Variants in ZNF280D observed in about 807,000 individuals in gnomAD.
ZNF280D encodes zinc finger protein 280D.
Under a neutral mutation model 94.7 loss-of-function variants are expected in ZNF280D, and 39 were observed. That is an observed-to-expected ratio of 0.41 (90% confidence interval 0.32 to 0.54). ZNF280D has a LOEUF of 0.54. Ranked by LOEUF, ZNF280D falls within the 20% of genes least tolerant of loss-of-function variation. The probability of loss-of-function intolerance (pLI) is 0.22; values close to 1 mark genes in which losing one functional copy is unlikely to be tolerated. For missense variants in ZNF280D, 1,090 were observed against 1,149.3 expected (o/e 0.95, Z 0.75); for synonymous variants, 398 against 377.6 (o/e 1.05, Z -0.63).
At chr15:56,637,628 A>G (rs1430099045) in intron 20 of ZNF280D, among the ~76,000 whole-genome samples, 1 of 152,152 alleles carries the variant, frequency 6.6e-6, no homozygotes, top group African/African-American at 2.4e-5. Context: ...ATTGTAATTC[A>G]TATCATCCGT....
intron 13 of ZNF280D, among the ~76,000 whole-genome samples, chr15:56,671,034 C>T (rs1206802285): frequency 3.3e-5 from 5 of 151,822 alleles, no homozygotes; most frequent in African/African-American, 1.2e-4. Flanking sequence ...TGGTTTCTTT[C>T]TTGTAAATCT....
Position 56,632,232 on chromosome 15 carries a change from C to G in ZNF280D, c.2316-110G>C, listed in dbSNP as rs1190311166. 3 of 1,079,928 alleles carry G rather than the reference C, an allele frequency of 2.8e-6. No homozygotes were observed. In the African/African-American group the frequency reaches 4.8e-5, roughly 17 times the overall value. 66.9% of individuals were successfully genotyped at this position (1,079,928 alleles called of 1,614,324 possible). On this transcript the variant is annotated intron_variant, in intron 21 of 21. Transcript: ENST00000267807. The stretch of plus-strand genomic sequence containing the variant: ...TAAAAAGTCAAGGTACATTTGCCCA[C>G]CAAAAAGGAAAACAGTCCAAGTTCC...
chr15:56,725,075 C>CA (rs1365177515), intron 1 of ZNF280D: 4 of 279,042 alleles, frequency 1.4e-5, no homozygotes, highest in African/African-American at 6.6e-5. Flanking sequence ...AGGCCTCTCT[C>CA]AAGCCCCTCC....
At chr15:56,696,183 G>A (rs1469541817) in intron 6 of ZNF280D, among the ~76,000 whole-genome samples, 1 of 152,014 alleles carries the variant, frequency 6.6e-6, no homozygotes, top group African/African-American at 2.4e-5. Context: ...CATGCCCTAT[G>A]ATTTAACAGT....
At position 56,683,255 on chromosome 15, in the gene ZNF280D, T is replaced by C. The variant is rs140171992; in HGVS notation, c.781-778A>G. ...ACAACCAAAAATGGACAACAACTTG[T>C]AGTGAATTAGGGTGAAGGATTTAGT... On this transcript the variant is annotated intron_variant, in intron 9 of 21. Transcript: ENST00000267807. 1.7e-3 allele frequency among the ~76,000 whole-genome samples: 255 copies of C among 152,198 alleles called. 1 individual carries two copies. Among genetic ancestry groups the C allele is most frequent in the African/African-American group, 5.8e-3 (241 of 41,534 alleles).
chr15:56,654,164 AAAGT>A (rs748362541), intron 19 of ZNF280D, 30 bp downstream of exon 19: 35 of 1,592,852 alleles, frequency 2.2e-5, no homozygotes, highest in Non-Finnish European at 3.0e-5. Flanking sequence ...AAAATCCATC[AAAGT>A]AAAATGCACT....
At chr15:56,725,916 T>C (rs1306750864) in intron 1 of ZNF280D, among the ~76,000 whole-genome samples, 2 of 152,168 alleles carry the variant, frequency 1.3e-5, no homozygotes, top group African/African-American at 4.8e-5. Context: ...AAAAATTACT[T>C]TGTCTTCATC....
At position 56,720,979 on chromosome 15, in the gene ZNF280D, G is replaced by GGT. The variant is rs1555428108; in HGVS notation, c.-86+12478_-86+12479insAC. ...GATTTAGCATTTTTTTTGGGGGGGG[G>GGT]GGGGACAGAGTCTCGCTCCATTGAC... On this transcript the variant is annotated intron_variant, in intron 1 of 21. Transcript: ENST00000267807. Among the ~76,000 whole-genome samples, 7 of 123,722 alleles carry GGT rather than the reference G, an allele frequency of 5.7e-5. No individual in the cohort carries two copies. In the Admixed American group the frequency reaches 5.9e-4, roughly 10 times the overall value. 81.2% of individuals were successfully genotyped at this position (123,722 alleles called of 152,430 possible). A position where few individuals can be genotyped will look rare whatever the true frequency, so the allele number is the denominator to read the frequency against.
chr15:56,652,971 T>C (rs1482474397), intron 19 of ZNF280D: 4 of 913,334 alleles, frequency 4.4e-6, no homozygotes, highest in African/African-American at 3.6e-5. Flanking sequence ...CATCATAAAA[T>C]AGACATTAAT....
chr15:56,670,273 G>A (rs149011137), intron 13 of ZNF280D, among the ~76,000 whole-genome samples: 16 of 150,306 alleles, frequency 1.1e-4, no homozygotes, highest in East Asian at 6.0e-4. Context: ...CGTGTATCCC[G>A]GAGGTTTTTT....
At chr15:56,654,608 A>G (rs2053419697) in intron 17 of ZNF280D, 105 bp from the exon 18 acceptor site, 2 of 953,450 alleles carry the variant, frequency 2.1e-6, no homozygotes, top group African/African-American at 1.7e-5. Context: ...ATACATAACT[A>G]TAACTTCCCA....
intron 4 of ZNF280D, among the ~76,000 whole-genome samples, chr15:56,703,711 A>C (rs1363419287): frequency 6.6e-6 from 1 of 151,974 alleles, no homozygotes; most frequent in Non-Finnish European, 1.5e-5. Context: ...AAAATTAGCC[A>C]GGCATGGTAA....
Position 56,689,256 on chromosome 15 carries a change from A to G in ZNF280D, c.670+44T>C, listed in dbSNP as rs1435896817. On this transcript the variant is annotated intron_variant, in intron 8 of 21. Transcript: ENST00000267807. ...TTATAGCCACTTCAAAAATGTATGT[A>G]TAAATACTATAACTTCTTTTTATGT... is the stretch of plus-strand genomic sequence containing the variant. The G allele has an allele frequency of 2.3e-5, 36 of 1,575,690 alleles. 1 individual carries two copies. In the Admixed American group the frequency reaches 3.5e-4, roughly 15 times the overall value.
chr15:56,705,876 C>T (rs1447155207), intron 3 of ZNF280D, among the ~76,000 whole-genome samples: 1 of 151,336 alleles, frequency 6.6e-6, no homozygotes, highest in African/African-American at 2.4e-5. Context: ...ATGGACTAGG[C>T]GAAGTCAGAA....
At chr15:56,663,805 C>A (rs1416780666) in intron 16 of ZNF280D, among the ~76,000 whole-genome samples, 1 of 152,124 alleles carries the variant, frequency 6.6e-6, no homozygotes, top group Non-Finnish European at 1.5e-5. Flanking sequence ...GAGGCTAACA[C>A]AGGAGGATCA....
chr15:56,631,662 C>A lies in ZNF280D; in HGVS notation c.2776G>T (p.Val926Leu). Reference sequence around the variant, plus strand: ...ATCTCTGTGGCTTCATACTCAAGTACCTCGGATGGAGTCAGAGGTTCCAAA... The same window carrying A: ...ATCTCTGTGGCTTCATACTCAAGTAACTCGGATGGAGTCAGAGGTTCCAAA... ...IHLEPLTPSE[V>L]LEYEATEILQ... The change falls in exon 22 of 22, where the codon GTA (valine) becomes TTA (leucine). Residue 926 changes from valine (V) to leucine (L), a missense_variant. Around this residue, in one of 3 missense-constraint regions of ZNF280D, gnomAD observed 577 missense variants for 568.8 expected, o/e 1.01. Coordinates refer to ENST00000267807, the MANE Select transcript of ZNF280D (RefSeq NM_017661.4). The A allele has an allele frequency of 6.2e-7, 1 of 1,614,152 alleles. No homozygotes were observed. Among genetic ancestry groups the A allele is most frequent in the East Asian group, 2.2e-5 (1 of 44,880 alleles).
chr15:56,642,855 G>C (rs2052696357), intron 20 of ZNF280D, 97 bp downstream of exon 20: 1 of 661,304 alleles, frequency 1.5e-6, no homozygotes, highest in Non-Finnish European at 2.3e-6. Flanking sequence ...AAATATTGTT[G>C]ATGTATGCAT....
At chr15:56,646,428 C>A (rs539467542) in intron 19 of ZNF280D, among the ~76,000 whole-genome samples, 30 of 152,060 alleles carry the variant, frequency 2.0e-4, no homozygotes, top group Admixed American at 1.7e-3. Context: ...AACAGCAAGA[C>A]CCTGTCTCAA....
At chr15:56,653,212 T>A (rs2053313770) in intron 19 of ZNF280D, 1 of 1,091,946 alleles carries the variant, frequency 9.2e-7, no homozygotes, top group African/African-American at 1.6e-5. Context: ...ACTGCATTCA[T>A]GCTAGAGAAA....
Sources: gnomAD v4.1 joint callset for allele counts (sites outside exome capture counted in the v4.1 genomes callset) on GRCh38, gnomAD v4.1.1 for gene constraint, gnomAD v4.1.1 regional missense constraint, MANE v1.5 for transcripts, NCBI Gene and HGNC (gene_info 2026-07-23, HGNC 2026-07-21) for gene names.